SLC5A12: variants seen among roughly 807,000 people sequenced by gnomAD.
SLC5A12 encodes the protein sodium-coupled monocarboxylate transporter 2.
SLC5A12 carries 46 observed loss-of-function variants against 72.7 expected under a neutral mutation model. The ratio of observed to expected loss-of-function variants is 0.63; its 90% CI spans 0.50 to 0.81. The LOEUF is 0.81. Ranked by LOEUF, SLC5A12 falls within the 30% of genes least tolerant of loss-of-function variation. The probability of loss-of-function intolerance (pLI) is 0.00; values close to 1 mark genes in which losing one functional copy is unlikely to be tolerated. For synonymous variants in SLC5A12, 275 were observed against 264.4 expected (o/e 1.04, Z -0.39); for missense variants, 683 against 740.7 (o/e 0.92, Z 0.90).
intron 9 of SLC5A12, among the ~76,000 whole-genome samples, chr11:26,687,570 C>A (rs1403111952): frequency 6.6e-6 from 1 of 152,174 alleles, no homozygotes. Context: ...AAACTGCTTG[C>A]AAATTAATCC....
At chr11:26,680,837 T>A (rs1368834907) in intron 12 of SLC5A12, among the ~76,000 whole-genome samples, 1 of 152,158 alleles carries the variant, frequency 6.6e-6, no homozygotes, top group African/African-American at 2.4e-5. Flanking sequence ...GCATTAACTC[T>A]TTCACCAAAT....
chr11:26,686,983 T>C (rs765588393), intron 9 of SLC5A12, among the ~76,000 whole-genome samples: 19 of 152,226 alleles, frequency 1.2e-4, no homozygotes, highest in Non-Finnish European at 2.1e-4. Flanking sequence ...TTAAATAATG[T>C]CTACACATTC....
intron 14 of SLC5A12, 65 bp from the exon 15 acceptor site, chr11:26,671,316 G>T: frequency 1.4e-5 from 20 of 1,413,864 alleles, no homozygotes; most frequent in East Asian, 2.6e-5. Context: ...TAACCTGAGA[G>T]AATCTTGTTT....
upstream of SLC5A12, chr11:26,723,236 T>A (rs1027182618): frequency 1.4e-4 from 21 of 152,670 alleles, no homozygotes; most frequent in African/African-American, 5.1e-4. Context: ...ACTGAATAAA[T>A]CTTTGCTTCA....
At position 26,681,037 on chromosome 11, in the gene SLC5A12, T is replaced by C. The variant is rs754896875; in HGVS notation, c.1475+18A>G. On this transcript the variant is annotated intron_variant, in intron 12 of 14. Coordinates refer to ENST00000396005, the MANE Select transcript of SLC5A12 (RefSeq NM_178498.4). ...ACCCACTCTCTGGGACTTAGCACCA[T>C]CTATAAAGTCAGCATACCTGCTGGA... The C allele has an allele frequency of 1.4e-5, 22 of 1,571,030 alleles. No individual in the cohort carries two copies. Among genetic ancestry groups the C allele is most frequent in the East Asian group, 1.4e-4 (6 of 43,602 alleles).
At chr11:26,688,842 C>G (rs1854598170) in intron 9 of SLC5A12, among the ~76,000 whole-genome samples, 1 of 151,932 alleles carries the variant, frequency 6.6e-6, no homozygotes. Context: ...CAATTCCATG[C>G]CTAGCTATTT....
rs777520214 is a variant in SLC5A12 at position 26,681,061 on chromosome 11, G to C, written c.1469C>G (p.Ser490Cys). ...NVTATGPPVL[S>C]SRPGIADTWY... Reference sequence around the variant, plus strand: ...ATCTATAAAGTCAGCATACCTGCTGGATAGTACTGGAGGCCCTGTTGCTGT... The same window carrying C: ...ATCTATAAAGTCAGCATACCTGCTGCATAGTACTGGAGGCCCTGTTGCTGT... The change falls in exon 12 of 15, where the codon TCC (serine) becomes TGC (cysteine). Residue 490 changes from serine (S) to cysteine (C), a missense_variant. Transcript: ENST00000396005. The C allele has an allele frequency of 1.3e-6, 2 of 1,598,498 alleles. No individual in the cohort carries two copies. Among genetic ancestry groups the C allele is most frequent in the Non-Finnish European group, 1.7e-6 (2 of 1,172,460 alleles).
intron 9 of SLC5A12, among the ~76,000 whole-genome samples, chr11:26,688,083 C>T (rs1446270076): frequency 1.3e-5 from 2 of 152,120 alleles, no homozygotes; most frequent in Non-Finnish European, 2.9e-5. Context: ...CTTTTTTGTG[C>T]CGACTAGAGA....
chr11:26,714,196 A>G (rs1855296297), intron 1 of SLC5A12, among the ~76,000 whole-genome samples: 1 of 151,976 alleles, frequency 6.6e-6, no homozygotes, highest in Non-Finnish European at 1.5e-5. Context: ...TCAGCCTACC[A>G]TATTTACTAT....
chr11:26,680,995 C>T, intron 12 of SLC5A12, 60 bp downstream of exon 12: 1 of 1,412,158 alleles, frequency 7.1e-7, no homozygotes, highest in South Asian at 1.6e-5. Context: ...AAGAGTGCAC[C>T]TCCCTCTTAC....
intron 4 of SLC5A12, among the ~76,000 whole-genome samples, chr11:26,708,622 A>T (rs763496533): frequency 6.6e-6 from 1 of 152,080 alleles, no homozygotes; most frequent in African/African-American, 2.4e-5. Context: ...CATATGCTTA[A>T]CTGGTTAATT....
In SLC5A12 at chr11:26,698,467, A is replaced by C. The variant is rs767356584; in HGVS notation, c.890T>G (p.Met297Arg). Residue 297 changes from methionine (M) to arginine (R), a missense_variant, in exon 7 of 15, where the codon ATG (methionine) becomes AGG (arginine). Met to Arg is a moderately conservative substitution (Grantham distance 91). Coordinates refer to ENST00000396005, the MANE Select transcript of SLC5A12 (RefSeq NM_178498.4). Reference protein sequence around the residue: ...LVCAVFSGLIMYSHFKDCDPW... With the variant: ...LVCAVFSGLIRYSHFKDCDPW... ...GTCACAGTCTTTAAAGTGAGAGTAC[A>C]TGATTAAGCCAGAGAAGACAGCACA... 1 of 1,614,078 alleles carries C rather than the reference A, an allele frequency of 6.2e-7. No individual in the cohort carries two copies. The highest frequency in any genetic ancestry group is 2.2e-5 in the East Asian group (1 of 44,858).
chr11:26,697,344 T>G (rs916407939), intron 7 of SLC5A12, 92 bp from the exon 8 acceptor site: 1 of 1,078,240 alleles, frequency 9.3e-7, no homozygotes, highest in African/African-American at 1.6e-5. Flanking sequence ...ATTAGTGGTC[T>G]TCTCATCAGT....
chr11:26,671,051 G>GTGTGTGTGTGTGTT lies in SLC5A12; in HGVS notation c.*50_*51insAACACACACACACA. 7.0e-7 allele frequency: 1 copy of GTGTGTGTGTGTGTT among 1,422,990 alleles called. No individual in the cohort carries two copies. Among genetic ancestry groups the GTGTGTGTGTGTGTT allele is most frequent in the South Asian group, 1.3e-5 (1 of 75,076 alleles). 88.1% of individuals were successfully genotyped at this position (1,422,990 alleles called of 1,614,324 possible). ...TAGGCAAGAAGTATGTGGAGTTTGT[G>GTGTGTGTGTGTGTT]TGTGTGTGTGTGTATTGCACGTGTG... On this transcript the variant is annotated 3_prime_UTR_variant, in exon 15 of 15. Coordinates refer to ENST00000396005, the MANE Select transcript of SLC5A12 (RefSeq NM_178498.4).
chr11:26,693,679 G>T (rs1374553054), intron 8 of SLC5A12, among the ~76,000 whole-genome samples: 1 of 152,116 alleles, frequency 6.6e-6, no homozygotes, highest in Admixed American at 6.5e-5. Context: ...ATGAACAAAA[G>T]ATGTCTAGCA....
At chr11:26,717,170 C>A (rs1339363307) in intron 1 of SLC5A12, among the ~76,000 whole-genome samples, 2 of 152,044 alleles carry the variant, frequency 1.3e-5, no homozygotes, top group Non-Finnish European at 2.9e-5. Context: ...AAAAGGAAAG[C>A]ATTTACCTAA....
At chr11:26,678,016 G>A (rs976588993) in intron 13 of SLC5A12, among the ~76,000 whole-genome samples, 2 of 152,122 alleles carry the variant, frequency 1.3e-5, no homozygotes, top group African/African-American at 4.8e-5. Flanking sequence ...TACATCAAAA[G>A]GGCAAGTATG....
chr11:26,679,378 A>C (rs1289235072), intron 12 of SLC5A12, among the ~76,000 whole-genome samples: 1 of 152,184 alleles, frequency 6.6e-6, no homozygotes, highest in Non-Finnish European at 1.5e-5. Context: ...CATTCTAAGA[A>C]GAGAATACAG....
chr11:26,721,633 A>G lies in SLC5A12; in HGVS notation c.82T>C (p.Phe28Leu), dbSNP rs1232563316. 1.2e-6 allele frequency: 2 copies of G among 1,614,094 alleles called. No individual in the cohort carries two copies. The highest frequency in any genetic ancestry group is 1.7e-6 in the Non-Finnish European group (2 of 1,180,042). ...FFISSGIGVFFAIKERKKATS... is the reference protein window; with the variant it reads ...FFISSGIGVFLAIKERKKATS... ...GCCTTTTTTCTCTCCTTAATGGCAA[A>G]GAACACCCCAATTCCAGAGGAAATG... Residue 28 changes from phenylalanine to leucine, a missense_variant, in exon 1 of 15, where the codon TTT (phenylalanine) becomes CTT (leucine). Coordinates refer to ENST00000396005, the MANE Select transcript of SLC5A12 (RefSeq NM_178498.4).
Sources: allele counts gnomAD v4.1 joint callset (sites outside exome capture counted in the v4.1 genomes callset), GRCh38; gene constraint gnomAD v4.1.1; transcripts MANE v1.5; gene names NCBI Gene and HGNC (gene_info 2026-07-23, HGNC 2026-07-21).